The following RCAN2 variants were observed in gnomAD, a reference collection of about 807,000 sequenced individuals.
The protein encoded by RCAN2 is calcipressin-2.
RCAN2 carries 9 observed loss-of-function variants against 23.6 expected under a neutral mutation model. That is an observed-to-expected ratio of 0.38 (90% CI 0.23 to 0.67). RCAN2 has a LOEUF of 0.67. Ranked by LOEUF, RCAN2 falls within the 30% of genes least tolerant of loss-of-function variation. The pLI, the probability that RCAN2 is intolerant of heterozygous loss-of-function variation, is 0.51. For missense variants in RCAN2, 273 were observed against 302.3 expected, an observed-to-expected ratio of 0.90 and a Z score of 0.72; for synonymous variants, 109 against 115.7, an observed-to-expected ratio of 0.94 and a Z score of 0.37.
chr6:46,259,353 A>G (rs1419086705), intron 2 of RCAN2, among the ~76,000 whole-genome samples: 2 of 152,184 alleles, frequency 1.3e-5, no homozygotes, highest in Non-Finnish European at 2.9e-5. Flanking sequence ...GTAAAGACCA[A>G]TGCAAATGAG....
chr6:46,311,297 T>C (rs913021282), intron 2 of RCAN2, among the ~76,000 whole-genome samples: 8 of 152,178 alleles, frequency 5.3e-5, no homozygotes, highest in Non-Finnish European at 1.2e-4. Flanking sequence ...TTCTGTTGCA[T>C]CTAAAAGGGT....
intron 4 of RCAN2, among the ~76,000 whole-genome samples, chr6:46,241,164 T>C (rs1766293362): frequency 1.3e-5 from 2 of 152,204 alleles, no homozygotes; most frequent in African/African-American, 4.8e-5. Context: ...ATTTTACCAT[T>C]TTCTGCTGAT....
At chr6:46,307,769 A>G (rs1471415169) in intron 2 of RCAN2, among the ~76,000 whole-genome samples, 2 of 152,126 alleles carry the variant, frequency 1.3e-5, no homozygotes, top group African/African-American at 4.8e-5. Context: ...ACACTGAAGG[A>G]ATGAATGAAC....
chr6:46,300,857 G>A (rs970193628), intron 2 of RCAN2, among the ~76,000 whole-genome samples: 5 of 151,936 alleles, frequency 3.3e-5, no homozygotes, highest in African/African-American at 7.2e-5. Context: ...TTCAGATTTC[G>A]TCAGCAAAGA....
At chr6:46,429,391 A>G (rs1192357701) in intron 2 of RCAN2, among the ~76,000 whole-genome samples, 1 of 152,196 alleles carries the variant, frequency 6.6e-6, no homozygotes, top group Non-Finnish European at 1.5e-5. Flanking sequence ...GCAAATTACT[A>G]CAGAACTCTG....
chr6:46,279,009 A>C (rs1245246869), intron 2 of RCAN2, among the ~76,000 whole-genome samples: 1 of 152,176 alleles, frequency 6.6e-6, no homozygotes, highest in Non-Finnish European at 1.5e-5. Flanking sequence ...CTTGGGTTGA[A>C]ACCTGAGCAA....
intron 2 of RCAN2, among the ~76,000 whole-genome samples, chr6:46,279,790 G>A (rs1452377329): frequency 2.0e-5 from 3 of 152,144 alleles, no homozygotes; most frequent in Non-Finnish European, 4.4e-5. Flanking sequence ...CTTGTCATCT[G>A]CAAAATAGGA....
chr6:46,244,355 C>T (rs1198010817), intron 4 of RCAN2, among the ~76,000 whole-genome samples: 3 of 151,998 alleles, frequency 2.0e-5, no homozygotes, highest in African/African-American at 4.8e-5. Flanking sequence ...CTGTGAGCGT[C>T]CCTTCCGGGG....
At chr6:46,230,198 G>A (rs1765830362) in intron 4 of RCAN2, among the ~76,000 whole-genome samples, 1 of 152,208 alleles carries the variant, frequency 6.6e-6, no homozygotes, top group African/African-American at 2.4e-5. Context: ...ACTTGGAGGT[G>A]TCTCCCAGTT....
At chr6:46,463,974 C>G (rs888114886) in intron 1 of RCAN2, among the ~76,000 whole-genome samples, 1 of 151,938 alleles carries the variant, frequency 6.6e-6, no homozygotes, top group Non-Finnish European at 1.5e-5. Context: ...CATGTTATGG[C>G]CAGCTAAGGA....
chr6:46,382,521 CA>C (rs1765638473), intron 2 of RCAN2, among the ~76,000 whole-genome samples: 1 of 152,146 alleles, frequency 6.6e-6, no homozygotes, highest in Non-Finnish European at 1.5e-5. Context: ...AATGTAACAG[CA>C]CACAGGCAAA....
chr6:46,413,375 G>A (rs915746083), intron 2 of RCAN2, among the ~76,000 whole-genome samples: 6 of 152,094 alleles, frequency 3.9e-5, no homozygotes, highest in East Asian at 1.9e-4. Context: ...AATTAGAAAC[G>A]GTAGGCAGTT....
At chr6:46,346,988 G>T (rs2150376078) in intron 2 of RCAN2, among the ~76,000 whole-genome samples, 1 of 152,154 alleles carries the variant, frequency 6.6e-6, no homozygotes, top group Non-Finnish European at 1.5e-5. Context: ...CCATTCTCCT[G>T]CCTCAGCCTC....
chr6:46,369,999 T>C (rs1765283772), intron 2 of RCAN2, among the ~76,000 whole-genome samples: 1 of 152,078 alleles, frequency 6.6e-6, no homozygotes, highest in Admixed American at 6.5e-5. Flanking sequence ...TGGCTCTGCT[T>C]GGCCCTTCCA....
chr6:46,365,173 T>C (rs1234158828), intron 2 of RCAN2, among the ~76,000 whole-genome samples: 2 of 152,004 alleles, frequency 1.3e-5, no homozygotes, highest in Non-Finnish European at 2.9e-5. Context: ...CCTCACCCCA[T>C]CTGTAGAAAA....
At chr6:46,469,912 GT>G (rs1768510130) in intron 1 of RCAN2, among the ~76,000 whole-genome samples, 1 of 152,124 alleles carries the variant, frequency 6.6e-6, no homozygotes, top group Non-Finnish European at 1.5e-5. Context: ...TTCCTCCCTT[GT>G]GGAGGATACA....
chr6:46,345,052 T>C (rs889024812), intron 2 of RCAN2, among the ~76,000 whole-genome samples: 10 of 152,096 alleles, frequency 6.6e-5, no homozygotes, highest in Non-Finnish European at 1.0e-4. Flanking sequence ...AGACACAGAC[T>C]GGTTGAAAGT....
intron 2 of RCAN2, among the ~76,000 whole-genome samples, chr6:46,346,109 T>TA (rs1764474527): frequency 6.6e-6 from 1 of 152,014 alleles, no homozygotes. Flanking sequence ...AATTTGAAAA[T>TA]AAAAATATAT....
intron 2 of RCAN2, among the ~76,000 whole-genome samples, chr6:46,276,035 A>C (rs1767687188): frequency 6.6e-6 from 1 of 152,072 alleles, no homozygotes; most frequent in Non-Finnish European, 1.5e-5. Flanking sequence ...GTGAAACCCC[A>C]TCTCTACTAA....
Sources: gnomAD v4.1 joint callset for allele counts (sites outside exome capture counted in the v4.1 genomes callset) on GRCh38, gnomAD v4.1.1 for gene constraint, MANE v1.5 for transcripts, NCBI Gene and HGNC (gene_info 2026-07-23, HGNC 2026-07-21) for gene names.